CFAP47: variants seen among roughly 807,000 people sequenced by gnomAD.
The protein encoded by CFAP47 is cilia- and flagella-associated protein 47.
Under a neutral mutation model 148.1 loss-of-function variants are expected in CFAP47, and 29 were observed. The observed-to-expected ratio is 0.20, with a 90% CI of 0.15 to 0.27. The LOEUF (loss-of-function observed/expected upper bound fraction) is 0.27. Among genes scored for constraint, CFAP47 ranks in the 10% least tolerant of loss-of-function variants. CFAP47 has a pLI of 1.00. For missense variants in CFAP47, 1,872 were observed against 1,697.5 expected (o/e 1.10, Z -1.81); for synonymous variants, 664 against 577.3 (o/e 1.15, Z -2.15).
chrX:36,320,596 C>A (rs1941470938), intron 57 of CFAP47, among the ~76,000 whole-genome samples: 1 of 111,828 alleles, frequency 8.9e-6, no homozygotes, highest in African/African-American at 3.2e-5. Context: ...CTTTCTATTT[C>A]TTTGCAATGC....
intron 1 of CFAP47, among the ~76,000 whole-genome samples, chrX:35,924,020 C>CATGTATGCGT (rs1935643479): frequency 1.3e-5 from 1 of 77,725 alleles, no homozygotes; most frequent in Admixed American, 1.5e-4. Context: ...AATATATATG[C>CATGTATGCGT]ACATATATAT....
intron 56 of CFAP47, among the ~76,000 whole-genome samples, chrX:36,316,698 A>G (rs1436868537): frequency 8.9e-6 from 1 of 112,221 alleles, no homozygotes; most frequent in Non-Finnish European, 1.9e-5. Flanking sequence ...ATTCTAATTC[A>G]TCTTTTTTGT....
intron 42 of CFAP47, among the ~76,000 whole-genome samples, chrX:36,193,719 C>T (rs972581430): frequency 9.0e-6 from 1 of 111,698 alleles, no homozygotes; most frequent in African/African-American, 3.3e-5. Context: ...AGATTCTCAG[C>T]TCCCTTCATA....
intron 15 of CFAP47, among the ~76,000 whole-genome samples, chrX:35,980,631 A>G (rs1468842561): frequency 1.8e-5 from 2 of 110,473 alleles, no homozygotes; most frequent in Non-Finnish European, 3.8e-5. Flanking sequence ...TTCTGCTCCT[A>G]TTATGCATTT....
intron 41 of CFAP47, 30 bp from the exon 42 acceptor site, chrX:36,190,021 T>C: frequency 3.4e-6 from 1 of 296,959 alleles, no homozygotes; most frequent in Non-Finnish European, 5.9e-6. Context: ...CAAAATTATA[T>C]GTCAACAAGC....
intron 32 of CFAP47, among the ~76,000 whole-genome samples, chrX:36,100,457 G>T (rs1002345202): frequency 8.9e-6 from 1 of 112,345 alleles, no homozygotes; most frequent in Non-Finnish European, 1.9e-5. Context: ...AATTGCATTT[G>T]TGGGTAGATT....
At chrX:35,933,261 C>T (rs756223836) in intron 2 of CFAP47, among the ~76,000 whole-genome samples, 158 of 106,658 alleles carry the variant, frequency 1.5e-3, no homozygotes, top group African/African-American at 5.0e-3. Flanking sequence ...TCCATCTACT[C>T]TCTATCTTCA....
At chrX:36,226,814 A>G (rs1334398336) in intron 45 of CFAP47, among the ~76,000 whole-genome samples, 1 of 111,663 alleles carries the variant, frequency 9.0e-6, no homozygotes, top group African/African-American at 3.2e-5. Context: ...CAGAAATTTT[A>G]TACTTGAACT....
chrX:36,124,361 G>A (rs1944774561), intron 33 of CFAP47, among the ~76,000 whole-genome samples: 1 of 111,325 alleles, frequency 9.0e-6, no homozygotes, highest in South Asian at 3.8e-4. Context: ...TCCCGTCCTT[G>A]TGGCCTATAT....
chrX:35,999,186 C>A (rs926454905), intron 19 of CFAP47, among the ~76,000 whole-genome samples: 6 of 112,047 alleles, frequency 5.4e-5, no homozygotes, highest in Non-Finnish European at 3.8e-5. Context: ...ATCAAACTTT[C>A]ATTTTCCATT....
In CFAP47 at chrX:36,184,734, G is replaced by T. The variant is rs782659634; in HGVS notation, c.6105-3886G>T. Among the ~76,000 whole-genome samples the T allele has an allele frequency of 1.5e-4, 17 of 111,737 alleles. No homozygotes were observed. In the East Asian group the frequency reaches 4.5e-3, roughly 30 times the overall value. Reference sequence around the variant, plus strand: ...GGATCACCTGAGGTCGGGAGTTCGAGACCAGCCTGACCAATATGGTGACGC... The same window carrying T: ...GGATCACCTGAGGTCGGGAGTTCGATACCAGCCTGACCAATATGGTGACGC... On this transcript the variant is annotated intron_variant, in intron 40 of 63. Transcript: ENST00000378653.
chrX:36,246,186 C>A (rs6632535), intron 48 of CFAP47, among the ~76,000 whole-genome samples: 13,957 of 111,027 alleles, frequency 0.13, 688 homozygotes, highest in East Asian at 0.26. Context: ...GTCTAAAACC[C>A]AGAATCTATA....
rs755361487 is a variant in CFAP47 at position 36,084,408 on chromosome X, A to C, written c.4692-906A>C. Reference sequence around the variant, plus strand: ...AACTAAGGAACAGAAAAGTCAAGTAACTTTTATAATGTCATGCAATAAGTG... The same window carrying C: ...AACTAAGGAACAGAAAAGTCAAGTACCTTTTATAATGTCATGCAATAAGTG... On this transcript the variant is annotated intron_variant, in intron 29 of 63. Transcript: ENST00000378653. Among the ~76,000 whole-genome samples, 5 of 111,814 alleles carry C rather than the reference A, an allele frequency of 4.5e-5. No individual in the cohort carries two copies. In the South Asian group the frequency reaches 1.8e-3, roughly 41 times the overall value.
Position 36,235,075 on chromosome X carries a change from G to A in CFAP47, c.7015-859G>A, listed in dbSNP as rs186670173. The stretch of plus-strand genomic sequence containing the variant: ...TGCTCGGGGGTCAGGGGTCAGGGAC[G>A]CACTTGAGGAGGTAGTCTGCCCGTT... On this transcript the variant is annotated intron_variant, in intron 46 of 63. Transcript: ENST00000378653. Among the ~76,000 whole-genome samples the A allele has an allele frequency of 9.9e-5, 11 of 111,405 alleles. No individual in the cohort carries two copies. The East Asian group carries it at 2.9e-3, about 29-fold the overall frequency.
At chrX:36,103,430 C>T (rs1055654922) in intron 32 of CFAP47, among the ~76,000 whole-genome samples, 6 of 91,712 alleles carry the variant, frequency 6.5e-5, no homozygotes, top group Non-Finnish European at 1.2e-4. Flanking sequence ...GGTAAGGGGC[C>T]GTTGCTGGGG....
intron 24 of CFAP47, among the ~76,000 whole-genome samples, chrX:36,037,963 T>C (rs1461062050): frequency 9.0e-6 from 1 of 111,554 alleles, no homozygotes; most frequent in Non-Finnish European, 1.9e-5. Flanking sequence ...TCATTATTAG[T>C]AGGGAGCCCA....
At chrX:36,045,972 G>A (rs1937460378) in intron 25 of CFAP47, among the ~76,000 whole-genome samples, 3 of 111,461 alleles carry the variant, frequency 2.7e-5, no homozygotes, top group Non-Finnish European at 3.8e-5. Flanking sequence ...GCAAAGATAA[G>A]TTAATTAGCT....
intron 33 of CFAP47, among the ~76,000 whole-genome samples, chrX:36,133,218 A>C (rs1364436903): frequency 9.0e-6 from 1 of 111,344 alleles, no homozygotes; most frequent in Admixed American, 9.6e-5. Context: ...CATGTTGCTC[A>C]CAGAAATGAC....
chrX:36,272,625 G>C (rs1419848919), intron 49 of CFAP47, among the ~76,000 whole-genome samples: 1 of 110,580 alleles, frequency 9.0e-6, no homozygotes, highest in Non-Finnish European at 1.9e-5. Flanking sequence ...TCTTTAAAGG[G>C]CAGTATTTTT....
Sources: gnomAD v4.1 joint callset for allele counts (sites outside exome capture counted in the v4.1 genomes callset) on GRCh38, gnomAD v4.1.1 for gene constraint, MANE v1.5 for transcripts, NCBI Gene and HGNC (gene_info 2026-07-23, HGNC 2026-07-21) for gene names.